PCDHA6: variants seen among roughly 807,000 people sequenced by gnomAD.
The protein encoded by PCDHA6 is protocadherin alpha-6.
PCDHA6 carries 55 observed loss-of-function variants against 60.3 expected under a neutral mutation model. That is an observed-to-expected ratio of 0.91 (90% CI 0.73 to 1.14). The LOEUF (loss-of-function observed/expected upper bound fraction) is 1.14. PCDHA6 is among the 50% of genes most tolerant of loss of function. PCDHA6 has a pLI of 0.00. For synonymous variants in PCDHA6, 652 were observed against 557.9 expected (o/e 1.17, Z -2.38); for missense variants, 1,327 against 1,256.5 (o/e 1.06, Z -0.85).
At chr5:140,870,388 G>A (rs1487402100) in intron 1 of PCDHA6, 5 of 1,614,232 alleles carry the variant, frequency 3.1e-6, no homozygotes, top group Non-Finnish European at 4.2e-6. Context: ...TGCGCGGGAT[G>A]GGGGTTCGCC....
chr5:140,936,744 T>A (rs1204618787), intron 1 of PCDHA6, among the ~76,000 whole-genome samples: 5 of 152,216 alleles, frequency 3.3e-5, no homozygotes, highest in Non-Finnish European at 5.9e-5. Context: ...AACTTTTCAT[T>A]TGTATTGATA....
intron 1 of PCDHA6, chr5:140,871,112 A>C (rs1554165130): frequency 1.2e-6 from 2 of 1,613,172 alleles, no homozygotes; most frequent in Non-Finnish European, 1.7e-6. Context: ...TCGTTGGTGG[A>C]GAGCGGACAG....
intron 1 of PCDHA6, chr5:140,863,012 G>T (rs1562573828): frequency 1.8e-6 from 1 of 552,298 alleles, no homozygotes; most frequent in Non-Finnish European, 3.6e-6. Context: ...CAGCTATGAC[G>T]CCTGGTTGTC....
chr5:140,869,572 G>A (rs375272234), intron 1 of PCDHA6: 1 of 1,614,060 alleles, frequency 6.2e-7, no homozygotes, highest in Non-Finnish European at 8.5e-7. Flanking sequence ...ACTAGAGGGA[G>A]CTTCTGATGC....
chr5:140,884,688 CTTA>C (rs782481361), intron 1 of PCDHA6: 8 of 1,535,868 alleles, frequency 5.2e-6, no homozygotes, highest in Non-Finnish European at 8.8e-7. Flanking sequence ...AAAAAATTGT[CTTA>C]GTAAACACTT....
At chr5:140,942,382 A>C (rs1341028342) in intron 1 of PCDHA6, among the ~76,000 whole-genome samples, 2 of 152,102 alleles carry the variant, frequency 1.3e-5, no homozygotes, top group African/African-American at 4.8e-5. Context: ...ACTGCATTCC[A>C]GCCTGGGCGA....
intron 1 of PCDHA6, among the ~76,000 whole-genome samples, chr5:140,891,207 GCTGTGTCTTTATAATCATC>G (rs2062985050): frequency 6.6e-6 from 1 of 152,054 alleles, no homozygotes; most frequent in Non-Finnish European, 1.5e-5. Context: ...GTTTTACCAT[GCTGTGTCTTTATAATCATC>G]CTGTTCTGGA....
chr5:140,850,861 C>A, intron 1 of PCDHA6: 2 of 1,592,808 alleles, frequency 1.3e-6, no homozygotes, highest in Admixed American at 3.4e-5. Flanking sequence ...ACGGGAGAAC[C>A]CTCTGCTTCC....
chr5:140,879,659 C>T (rs782370828), intron 1 of PCDHA6, among the ~76,000 whole-genome samples: 4 of 152,142 alleles, frequency 2.6e-5, no homozygotes, highest in East Asian at 3.8e-4. Flanking sequence ...CTATAACAAA[C>T]GAACACAAAC....
intron 1 of PCDHA6, among the ~76,000 whole-genome samples, chr5:140,955,418 G>A: frequency 6.6e-6 from 1 of 152,140 alleles, no homozygotes; most frequent in Non-Finnish European, 1.5e-5. Flanking sequence ...ATGATAGTGA[G>A]TGAGTTCTCA....
chr5:140,966,068 T>G (rs188069959), intron 1 of PCDHA6: 1 of 153,298 alleles, frequency 6.5e-6, no homozygotes. Context: ...CGCCTCCCCC[T>G]GCGTTGTTTC....
chr5:140,829,429 C>T lies in PCDHA6; in HGVS notation c.1338C>T (p.Ala446=), dbSNP rs1770296040. The change falls in exon 1 of 4, where the codon GCC becomes GCT. Residue 446 remains alanine (A), a synonymous_variant. Transcript: ENST00000529310. ...WATASLSVEV[A]DMNDNAPAFA... is the part of the protein sequence containing the mutation. ...CCGCCAGCTTGTCTGTGGAGGTGGCCGACATGAATGACAATGCTCCGGCGT... is the reference window on the plus strand; with the variant it reads ...CCGCCAGCTTGTCTGTGGAGGTGGCTGACATGAATGACAATGCTCCGGCGT... The T allele has an allele frequency of 1.2e-6, 2 of 1,614,010 alleles. No individual in the cohort carries two copies. Among genetic ancestry groups the T allele is most frequent in the South Asian group, 1.1e-5 (1 of 91,082 alleles).
rs1478776734 is a variant in PCDHA6 at position 141,010,917 on chromosome 5, A to G, written c.*980A>G. ...TACAATTCCCCTAAACTCTCCTCAA[A>G]AGAGAATTCAGTCTACAGCCATTTA... On this transcript the variant is annotated 3_prime_UTR_variant, in exon 4 of 4. Coordinates refer to ENST00000529310, the MANE Select transcript of PCDHA6 (RefSeq NM_018909.4). The G allele has an allele frequency of 6.5e-6, 1 of 153,776 alleles. No homozygotes were observed. The highest frequency in any genetic ancestry group is 1.5e-5 in the Non-Finnish European group (1 of 68,048). The allele number at this position is 153,776 out of a possible 1,614,324, so 9.5% of individuals were successfully genotyped here.
At chr5:140,927,118 G>A in intron 1 of PCDHA6, 2 of 1,613,946 alleles carry the variant, frequency 1.2e-6, no homozygotes, top group Non-Finnish European at 1.7e-6. Context: ...CGGCAATTTG[G>A]TGGTCAGAGA....
intron 1 of PCDHA6, chr5:140,870,778 G>T: frequency 1.2e-6 from 2 of 1,613,620 alleles, no homozygotes; most frequent in South Asian, 1.1e-5. Context: ...GGACGAGAAC[G>T]ACAACGCGCC....
intron 3 of PCDHA6, among the ~76,000 whole-genome samples, chr5:141,004,496 C>T (rs1179748811): frequency 6.6e-6 from 1 of 152,152 alleles, no homozygotes; most frequent in Non-Finnish European, 1.5e-5. Context: ...CTTGGCAGTC[C>T]TGCTGTGAGG....
intron 1 of PCDHA6, chr5:140,856,336 G>A (rs782523397): frequency 1.9e-6 from 3 of 1,598,624 alleles, no homozygotes; most frequent in East Asian, 2.2e-5. Context: ...AGCTGTGCGG[G>A]CGGAGCGTGG....
chr5:140,892,793 A>G (rs1292583572), intron 1 of PCDHA6, among the ~76,000 whole-genome samples: 1 of 152,224 alleles, frequency 6.6e-6, no homozygotes, highest in Non-Finnish European at 1.5e-5. Context: ...TATGTAAGAA[A>G]TTATAGTTAA....
intron 1 of PCDHA6, among the ~76,000 whole-genome samples, chr5:140,904,096 T>C (rs2153483454): frequency 6.6e-6 from 1 of 152,312 alleles, no homozygotes; most frequent in Admixed American, 6.5e-5. Flanking sequence ...AATAACTACT[T>C]TAGTGGTCAT....
Sources: gnomAD v4.1 joint callset for allele counts (sites outside exome capture counted in the v4.1 genomes callset) on GRCh38, gnomAD v4.1.1 for gene constraint, MANE v1.5 for transcripts, NCBI Gene and HGNC (gene_info 2026-07-23, HGNC 2026-07-21) for gene names.